Variants in SGPP2 observed in about 807,000 individuals in gnomAD.
The protein encoded by SGPP2 is sphingosine 1-phosphate phosphohydrolase 2.
In SGPP2, 30 loss-of-function variants were observed where a neutral mutation model predicts 33.9. The ratio of observed to expected loss-of-function variants is 0.89; its 90% CI spans 0.66 to 1.20. The LOEUF (loss-of-function observed/expected upper bound fraction) is 1.20. Among genes scored for constraint, SGPP2 ranks in the 50% most tolerant of loss-of-function variants. The probability of loss-of-function intolerance (pLI) is 0.00; values close to 1 mark genes in which losing one functional copy is unlikely to be tolerated. For synonymous variants in SGPP2, 233 were observed against 225.0 expected, an observed-to-expected ratio of 1.04 and a Z score of -0.32; for missense variants, 458 against 532.1, an observed-to-expected ratio of 0.86 and a Z score of 1.37.
At chr2:222,434,749 T>C (rs1697208745) in intron 1 of SGPP2, among the ~76,000 whole-genome samples, 1 of 151,994 alleles carries the variant, frequency 6.6e-6, no homozygotes, top group South Asian at 2.1e-4. Flanking sequence ...TTCCTGTGGG[T>C]GTGGTGGTGA....
intron 2 of SGPP2, among the ~76,000 whole-genome samples, chr2:222,520,851 C>T (rs996031209): frequency 6.6e-6 from 1 of 151,974 alleles, no homozygotes; most frequent in African/African-American, 2.4e-5. Context: ...CCTTGACTTC[C>T]TGGGCTCAAG....
chr2:222,470,810 C>T (rs917793027), intron 1 of SGPP2, among the ~76,000 whole-genome samples: 5 of 152,160 alleles, frequency 3.3e-5, no homozygotes, highest in Admixed American at 1.3e-4. Context: ...AAATAACAAA[C>T]CTTTATGTGA....
upstream of SGPP2, among the ~76,000 whole-genome samples, chr2:222,424,160 C>T (rs1369813200): frequency 1.3e-5 from 2 of 151,702 alleles, no homozygotes; most frequent in Admixed American, 6.6e-5. Context: ...CAAGGAAGGT[C>T]ACTGTGGGAT....
intron 4 of SGPP2, among the ~76,000 whole-genome samples, chr2:222,553,884 G>A (rs901657524): frequency 1.3e-5 from 2 of 152,156 alleles, no homozygotes; most frequent in African/African-American, 4.8e-5. Context: ...TGTTTGCAGT[G>A]TGAAGCTCAT....
chr2:222,455,217 T>A (rs79819037), intron 1 of SGPP2, among the ~76,000 whole-genome samples: 6 of 146,972 alleles, frequency 4.1e-5, no homozygotes, highest in Admixed American at 2.0e-4. Context: ...CCAATCTCTT[T>A]AAAAAAAAAA....
intron 1 of SGPP2, among the ~76,000 whole-genome samples, chr2:222,458,396 G>A (rs1038329174): frequency 1.3e-5 from 2 of 151,960 alleles, no homozygotes; most frequent in East Asian, 1.9e-4. Flanking sequence ...TAACATTCCC[G>A]TGATAACATT....
Position 222,560,955 on chromosome 2 carries a change from A to T in SGPP2, c.*2057A>T, listed in dbSNP as rs1439685054. 2 of 152,160 alleles carry T rather than the reference A, an allele frequency of 1.3e-5. No homozygotes were observed. Among genetic ancestry groups the T allele is most frequent in the Non-Finnish European group, 2.9e-5 (2 of 68,068 alleles). 9.4% of individuals were successfully genotyped at this position (152,160 alleles called of 1,614,324 possible). A position where few individuals can be genotyped will look rare whatever the true frequency, so the allele number is the denominator to read the frequency against. The stretch of plus-strand genomic sequence containing the variant: ...CCGTCTCTACTGAAAATACAAAAAA[A>T]TTAGCCGGACGTGGTGGAGGGCGCC... On this transcript the variant is annotated 3_prime_UTR_variant, in exon 5 of 5. Coordinates refer to ENST00000321276, the MANE Select transcript of SGPP2 (RefSeq NM_152386.4).
intron 1 of SGPP2, among the ~76,000 whole-genome samples, chr2:222,436,577 A>G (rs1360827974): frequency 2.6e-5 from 4 of 152,184 alleles, no homozygotes; most frequent in African/African-American, 7.2e-5. Flanking sequence ...AATGAATTCC[A>G]TGAGCATGAG....
At chr2:222,470,258 T>G (rs757587109) in intron 1 of SGPP2, among the ~76,000 whole-genome samples, 1 of 152,146 alleles carries the variant, frequency 6.6e-6, no homozygotes, top group Non-Finnish European at 1.5e-5. Context: ...GATCTGCACA[T>G]GTATCTCAGA....
chr2:222,528,278 C>A (rs1464301225), intron 4 of SGPP2, among the ~76,000 whole-genome samples: 1 of 152,148 alleles, frequency 6.6e-6, no homozygotes, highest in African/African-American at 2.4e-5. Flanking sequence ...GACATCCAGG[C>A]CTAACTCAGA....
intron 1 of SGPP2, among the ~76,000 whole-genome samples, chr2:222,428,686 C>A (rs1697107420): frequency 6.6e-6 from 1 of 151,876 alleles, no homozygotes; most frequent in South Asian, 2.1e-4. Context: ...AACCAGGAGA[C>A]CAGGATCTAG....
At chr2:222,434,972 A>G (rs1697212490) in intron 1 of SGPP2, among the ~76,000 whole-genome samples, 1 of 26,716 alleles carries the variant, frequency 3.7e-5, no homozygotes. Flanking sequence ...GAATGGAGAT[A>G]TATACACACA....
intron 1 of SGPP2, among the ~76,000 whole-genome samples, chr2:222,432,648 TTG>T: frequency 6.6e-6 from 1 of 151,458 alleles, no homozygotes; most frequent in Non-Finnish European, 1.5e-5. Flanking sequence ...AAGAGGGAGG[TTG>T]TAAAGAAACA....
chr2:222,434,114 G>A (rs958835436), intron 1 of SGPP2, among the ~76,000 whole-genome samples: 1 of 152,140 alleles, frequency 6.6e-6, no homozygotes, highest in Admixed American at 6.5e-5. Flanking sequence ...TCCAGGCAAC[G>A]CATCAAGAGT....
At chr2:222,549,883 C>CTTT (rs751034613) in intron 4 of SGPP2, among the ~76,000 whole-genome samples, 15 of 137,648 alleles carry the variant, frequency 1.1e-4, no homozygotes, top group African/African-American at 3.7e-4. Flanking sequence ...CTTTTCTTTT[C>CTTT]TTTTTTTTTT....
intron 2 of SGPP2, among the ~76,000 whole-genome samples, chr2:222,487,772 A>C (rs1698134514): frequency 6.6e-6 from 1 of 152,178 alleles, no homozygotes; most frequent in Admixed American, 6.5e-5. Context: ...CACGCAGCCC[A>C]GTGGTGGTGG....
chr2:222,545,518 T>C (rs887820153), intron 4 of SGPP2, among the ~76,000 whole-genome samples: 1 of 152,160 alleles, frequency 6.6e-6, no homozygotes, highest in East Asian at 1.9e-4. Flanking sequence ...CTGACCTTAA[T>C]TGATCTGCCC....
chr2:222,480,199 C>T (rs1698007706), intron 2 of SGPP2, among the ~76,000 whole-genome samples: 1 of 152,192 alleles, frequency 6.6e-6, no homozygotes, highest in African/African-American at 2.4e-5. Flanking sequence ...GAGGCAACTT[C>T]ACTGAACTTG....
chr2:222,555,719 GA>G (rs929795571), intron 4 of SGPP2, among the ~76,000 whole-genome samples: 5 of 152,098 alleles, frequency 3.3e-5, no homozygotes, highest in African/African-American at 1.2e-4. Flanking sequence ...GAAAGAGGAG[GA>G]TGTAAAGGAA....
Sources: allele counts gnomAD v4.1 joint callset (sites outside exome capture counted in the v4.1 genomes callset), GRCh38; gene constraint gnomAD v4.1.1; transcripts MANE v1.5; gene names NCBI Gene and HGNC (gene_info 2026-07-23, HGNC 2026-07-21).